The following IQSEC1 variants were observed in gnomAD, a reference collection of about 807,000 sequenced individuals.
The protein encoded by IQSEC1 is IQ motif and Sec7 domain ArfGEF 1.
A neutral mutation model predicts 91.0 loss-of-function variants in IQSEC1; 31 were observed. The ratio of observed to expected loss-of-function variants is 0.34; its 90% CI spans 0.26 to 0.46. The LOEUF (loss-of-function observed/expected upper bound fraction) is 0.46, where lower values mean the gene tolerates loss of function less well. Ranked by LOEUF, IQSEC1 falls within the 20% of genes least tolerant of loss-of-function variation. The pLI is 1.00. For missense variants in IQSEC1, 1,388 were observed against 1,575.6 expected, an observed-to-expected ratio of 0.88 and a Z score of 2.02; for synonymous variants, 699 against 662.6, an observed-to-expected ratio of 1.05 and a Z score of -0.84.
chr3:13,276,765 C>T (rs1034160301), intron 1 of IQSEC1, among the ~76,000 whole-genome samples: 6 of 152,154 alleles, frequency 3.9e-5, no homozygotes, highest in Non-Finnish European at 8.8e-5. Flanking sequence ...ATAACTGGCC[C>T]GGTGCATCCT....
intron 1 of IQSEC1, among the ~76,000 whole-genome samples, chr3:13,053,471 G>A (rs1454552359): frequency 6.6e-6 from 1 of 152,232 alleles, no homozygotes; most frequent in African/African-American, 2.4e-5. Flanking sequence ...GGTGGCCAAA[G>A]GCAGCTCTGA....
chr3:12,950,430 G>C lies in IQSEC1; in HGVS notation c.24-8565C>G, dbSNP rs6442341. Among the ~76,000 whole-genome samples the C allele has an allele frequency of 6.8e-3, 1,029 of 152,326 alleles. 17 individuals are homozygous for C. The highest frequency in any genetic ancestry group is 0.023 in the African/African-American group (968 of 41,554). ...CGCCTGCAATCCTAGCACTTTGGGA[G>C]GCCGAGGTGGGACACTGCTTGAGGC... On this transcript the variant is annotated intron_variant, in intron 1 of 13. Coordinates refer to ENST00000613206, the MANE Select transcript of IQSEC1 (RefSeq NM_001134382.3).
chr3:13,050,464 T>C (rs970822255), intron 1 of IQSEC1, among the ~76,000 whole-genome samples: 2 of 152,136 alleles, frequency 1.3e-5, no homozygotes, highest in African/African-American at 4.8e-5. Context: ...ATAGTGCCCA[T>C]AAAGTAAAAG....
At chr3:13,038,101 T>G (rs1704102479) in intron 1 of IQSEC1, among the ~76,000 whole-genome samples, 1 of 151,358 alleles carries the variant, frequency 6.6e-6, no homozygotes, top group Non-Finnish European at 1.5e-5. Context: ...CCATCTTTTG[T>G]TTTAGCAACG....
chr3:13,179,841 C>T (rs933124234), intron 1 of IQSEC1, among the ~76,000 whole-genome samples: 6 of 152,344 alleles, frequency 3.9e-5, no homozygotes, highest in Middle Eastern at 3.4e-3. Flanking sequence ...GCGGGCCCTG[C>T]ACTCAGAACG....
At chr3:13,101,756 AGTG>A (rs1442579940) in intron 2 of IQSEC1, among the ~76,000 whole-genome samples, 1 of 152,084 alleles carries the variant, frequency 6.6e-6, no homozygotes, top group Admixed American at 6.5e-5. Context: ...GTAGCAGTGG[AGTG>A]GTGAGTGGTA....
chr3:13,208,810 T>G (rs993348627), intron 1 of IQSEC1, among the ~76,000 whole-genome samples: 4 of 152,196 alleles, frequency 2.6e-5, no homozygotes, highest in Admixed American at 6.5e-5. Context: ...CACTCCACCC[T>G]GGAGGATGAG....
intron 1 of IQSEC1, among the ~76,000 whole-genome samples, chr3:13,266,675 A>G (rs1262828891): frequency 1.3e-5 from 2 of 152,128 alleles, no homozygotes; most frequent in Non-Finnish European, 2.9e-5. Context: ...AGAAACCAAA[A>G]GCCAACCCTC....
intron 2 of IQSEC1, among the ~76,000 whole-genome samples, chr3:13,105,005 A>G (rs1019916880): frequency 1.3e-5 from 2 of 152,238 alleles, no homozygotes; most frequent in Non-Finnish European, 2.9e-5. Flanking sequence ...AGTTGATTAC[A>G]TGATCACATT....
chr3:13,201,169 G>A (rs185473188), intron 1 of IQSEC1, among the ~76,000 whole-genome samples: 1 of 152,256 alleles, frequency 6.6e-6, no homozygotes, highest in African/African-American at 2.4e-5. Context: ...AACAGAAGTC[G>A]GCTCCCTCAA....
At chr3:13,029,130 C>T (rs1209762961) in intron 1 of IQSEC1, among the ~76,000 whole-genome samples, 1 of 152,238 alleles carries the variant, frequency 6.6e-6, no homozygotes, top group African/African-American at 2.4e-5. Flanking sequence ...AGCCTCTAGC[C>T]TTGAAAGTTT....
intron 1 of IQSEC1, chr3:13,022,336 C>T (rs1293364486): frequency 1.7e-6 from 2 of 1,191,704 alleles, no homozygotes; most frequent in Non-Finnish European, 2.1e-6. Context: ...AGCCTCTGTG[C>T]CCTGGTCCTG....
Position 13,022,502 on chromosome 3 carries a change from G to A in IQSEC1, c.23+50490C>T, listed in dbSNP as rs899887731. 9.1e-5 allele frequency: 90 copies of A among 985,578 alleles called. 1 individual carries two copies. Among genetic ancestry groups the A allele is most frequent in the Admixed American group, 2.4e-4 (4 of 16,460 alleles). The allele number at this position is 985,578 out of a possible 1,614,324, so 61.1% of individuals were successfully genotyped here. A position where few individuals can be genotyped will look rare whatever the true frequency, so the allele number is the denominator to read the frequency against. On this transcript the variant is annotated intron_variant, in intron 1 of 13. Coordinates refer to ENST00000613206, the MANE Select transcript of IQSEC1 (RefSeq NM_001134382.3). ...AGGGCGGGATGGGTGAGGGGCGTCC[G>A]CCGGTGAGGAAAAGCTCAGCTGCCG...
At chr3:13,011,664 A>G (rs1303705808) in intron 1 of IQSEC1, among the ~76,000 whole-genome samples, 1 of 152,256 alleles carries the variant, frequency 6.6e-6, no homozygotes, top group African/African-American at 2.4e-5. Context: ...GGTTGCTCAC[A>G]GGCAGGTGGC....
intron 1 of IQSEC1, among the ~76,000 whole-genome samples, chr3:13,204,824 G>T: frequency 7.0e-6 from 1 of 142,746 alleles, no homozygotes; most frequent in Non-Finnish European, 1.5e-5. Flanking sequence ...TTTTTTGACG[G>T]AATTTCACTC....
At chr3:13,034,207 C>G (rs1026972108) in intron 1 of IQSEC1, among the ~76,000 whole-genome samples, 20 of 152,182 alleles carry the variant, frequency 1.3e-4, no homozygotes, top group African/African-American at 3.4e-4. Context: ...GCGTCTCCCC[C>G]CAGAGTCAAC....
intron 1 of IQSEC1, among the ~76,000 whole-genome samples, chr3:13,023,202 G>T (rs1053883525): frequency 7.2e-5 from 11 of 152,170 alleles, no homozygotes; most frequent in Admixed American, 3.9e-4. Flanking sequence ...GATGGAGTGG[G>T]GTGGGATGAA....
rs116722210 is a variant in IQSEC1, at chr3:13,228,335, C to T, written c.272+54376G>A. Among the ~76,000 whole-genome samples, 1,091 of 152,244 alleles carry T rather than the reference C, an allele frequency of 7.2e-3. 12 individuals carry two copies. Among genetic ancestry groups the T allele is most frequent in the African/African-American group, 0.024 (1,014 of 41,532 alleles). On this transcript the variant is annotated intron_variant, in intron 1 of 15. Transcript: ENST00000648114. ...GAAACAAAGGAGCAGGGGAAGGAAG[C>T]GCACACGTGGGGCTTCGTGGGCTGG...
Position 13,177,649 on chromosome 3 carries a change from A to G in IQSEC1, c.273-13516T>C, listed in dbSNP as rs140328786. On this transcript the variant is annotated intron_variant, in intron 1 of 15. Coordinates refer to the IQSEC1 transcript ENST00000648114. ...GGCCCCTGGGGGAGGTGAGAGGGGA[A>G]CTCCACTGCTGTGCTGATGTGGGTC... is the stretch of plus-strand genomic sequence containing the variant. Among the ~76,000 whole-genome samples, 101 of 152,136 alleles carry G rather than the reference A, an allele frequency of 6.6e-4. 1 individual carries two copies. Among genetic ancestry groups the G allele is most frequent in the Admixed American group, 3.1e-3 (48 of 15,280 alleles).
Sources: allele counts gnomAD v4.1 joint callset (sites outside exome capture counted in the v4.1 genomes callset), GRCh38; gene constraint gnomAD v4.1.1; transcripts MANE v1.5; gene names NCBI Gene and HGNC (gene_info 2026-07-23, HGNC 2026-07-21).